Variants in DGKB observed in about 807,000 individuals in gnomAD.
DGKB encodes 90 kDa diacylglycerol kinase.
In DGKB, 67 loss-of-function variants were observed where a neutral mutation model predicts 114.3. The observed-to-expected ratio is 0.59, with a 90% confidence interval of 0.48 to 0.72. The LOEUF (loss-of-function observed/expected upper bound fraction) is 0.72. Among genes scored for constraint, DGKB ranks in the 30% least tolerant of loss-of-function variants. The probability of loss-of-function intolerance (pLI) is 0.00; values close to 1 mark genes in which losing one functional copy is unlikely to be tolerated. For synonymous variants in DGKB, 398 were observed against 323.1 expected (o/e 1.23, Z -2.49); for missense variants, 907 against 975.2 (o/e 0.93, Z 0.93).
At chr7:14,372,987 G>C (rs767597389) in intron 21 of DGKB, among the ~76,000 whole-genome samples, 12 of 152,136 alleles carry the variant, frequency 7.9e-5, no homozygotes, top group Non-Finnish European at 1.2e-4. Context: ...AGGGGATAAG[G>C]CCACAACTCT....
intron 17 of DGKB, among the ~76,000 whole-genome samples, chr7:14,605,569 T>C (rs1478985251): frequency 6.6e-6 from 1 of 151,782 alleles, no homozygotes; most frequent in Non-Finnish European, 1.5e-5. Flanking sequence ...TAGTGTAGAC[T>C]TTTTACAGTT....
At chr7:14,243,236 A>G (rs549677941) in intron 23 of DGKB, among the ~76,000 whole-genome samples, 2 of 152,308 alleles carry the variant, frequency 1.3e-5, no homozygotes, top group Non-Finnish European at 1.5e-5. Flanking sequence ...ACTATGCCCA[A>G]TGCCTACTTA....
At chr7:14,216,325 T>C (rs1788951597) in intron 23 of DGKB, among the ~76,000 whole-genome samples, 1 of 152,196 alleles carries the variant, frequency 6.6e-6, no homozygotes, top group Non-Finnish European at 1.5e-5. Flanking sequence ...CTAAGTTTTT[T>C]TGGACTTTCA....
intron 20 of DGKB, among the ~76,000 whole-genome samples, chr7:14,528,697 C>A (rs1340358979): frequency 3.3e-5 from 5 of 151,878 alleles, no homozygotes; most frequent in Non-Finnish European, 5.9e-5. Flanking sequence ...GCTAATAGAG[C>A]ATAAATATGT....
intron 20 of DGKB, among the ~76,000 whole-genome samples, chr7:14,549,432 T>C: frequency 6.6e-6 from 1 of 152,058 alleles, no homozygotes; most frequent in Middle Eastern, 3.2e-3. Context: ...GATATATATT[T>C]TCTGTTTTCT....
chr7:14,858,990 T>A (rs1051559227), intron 1 of DGKB, among the ~76,000 whole-genome samples: 1 of 152,102 alleles, frequency 6.6e-6, no homozygotes, highest in African/African-American at 2.4e-5. Context: ...AATAACAGAA[T>A]GCTTGGGAAG....
At chr7:14,201,833 G>GTTTTGT (rs142266541) in intron 23 of DGKB, among the ~76,000 whole-genome samples, 3,927 of 151,962 alleles carry the variant, frequency 0.026, 76 homozygotes, top group East Asian at 0.092. Context: ...GGAGTTTGTT[G>GTTTTGT]TTTTGTTTTT....
chr7:14,910,068 C>A (rs1393522653), intron 1 of DGKB, among the ~76,000 whole-genome samples: 1 of 151,670 alleles, frequency 6.6e-6, no homozygotes, highest in Non-Finnish European at 1.5e-5. Flanking sequence ...ATTAGCCAGG[C>A]ATGGTGGTTC....
At chr7:14,274,105 C>T (rs1011374540) in intron 23 of DGKB, among the ~76,000 whole-genome samples, 4 of 152,136 alleles carry the variant, frequency 2.6e-5, no homozygotes, top group African/African-American at 9.7e-5. Context: ...AACTGCAAGA[C>T]GGTTCCAGGA....
intron 23 of DGKB, among the ~76,000 whole-genome samples, chr7:14,280,034 AG>A (rs199906191): frequency 0.15 from 22,116 of 152,114 alleles, 2,124 homozygotes; most frequent in Non-Finnish European, 0.22. Context: ...AGCTGAGAGA[AG>A]AAGGCTTCAG....
chr7:14,965,299 T>C lies in DGKB; in HGVS notation c.-188+9397A>G, dbSNP rs1336792082. ...GAAAATAAATATATTGCCATAAGTA[T>C]ATAGTTAAGAATGAGAGGAGTTATA... is the stretch of plus-strand genomic sequence containing the variant. On this transcript the variant is annotated intron_variant, in intron 1 of 4. Transcript: ENST00000437998. Among the ~76,000 whole-genome samples the C allele has an allele frequency of 2.0e-5, 3 of 152,060 alleles. No homozygotes were observed. The East Asian group carries it at 5.8e-4, about 29-fold the overall frequency.
intron 23 of DGKB, among the ~76,000 whole-genome samples, chr7:14,250,014 G>A (rs925528429): frequency 3.3e-5 from 5 of 151,650 alleles, no homozygotes; most frequent in African/African-American, 9.7e-5. Context: ...GAGTGCAGTC[G>A]TGCAATCATG....
At chr7:14,729,196 C>T (rs1012547474) in intron 5 of DGKB, among the ~76,000 whole-genome samples, 1 of 144,026 alleles carries the variant, frequency 6.9e-6, no homozygotes, top group Non-Finnish European at 1.5e-5. Context: ...CATCTCGGCT[C>T]ACTGCAAGCT....
rs116120447 is a variant in DGKB, at chr7:14,268,403, C to T, written c.2122+70112G>A. 1.7e-3 allele frequency among the ~76,000 whole-genome samples: 253 copies of T among 152,144 alleles called. 1 individual carries two copies. Among genetic ancestry groups the T allele is most frequent in the African/African-American group, 5.8e-3 (239 of 41,514 alleles). ...AAAACATGGAATGAAAAACAACATACGTATTTTAGTATCCAGATATACCTA... is the reference window on the plus strand; with the variant it reads ...AAAACATGGAATGAAAAACAACATATGTATTTTAGTATCCAGATATACCTA... On this transcript the variant is annotated intron_variant, in intron 23 of 25. Coordinates refer to ENST00000402815, the MANE Select transcript of DGKB (RefSeq NM_001350709.2).
intron 20 of DGKB, among the ~76,000 whole-genome samples, chr7:14,559,461 A>G (rs2128666068): frequency 6.6e-6 from 1 of 152,280 alleles, no homozygotes; most frequent in South Asian, 2.1e-4. Context: ...GACCTAAAAT[A>G]CAGGCAGTCT....
chr7:14,401,931 A>G (rs1583663597), intron 21 of DGKB, among the ~76,000 whole-genome samples: 1 of 151,084 alleles, frequency 6.6e-6, no homozygotes. Context: ...GAGGAAATCT[A>G]TCTCAAGAAA....
chr7:14,744,893 A>C (rs571345656), intron 4 of DGKB, among the ~76,000 whole-genome samples: 2 of 152,244 alleles, frequency 1.3e-5, no homozygotes, highest in African/African-American at 4.8e-5. Flanking sequence ...CCAACCAGCA[A>C]TTTCTGGCTA....
At chr7:14,973,438 A>G (rs1787596239) in intron 1 of DGKB, among the ~76,000 whole-genome samples, 1 of 151,394 alleles carries the variant, frequency 6.6e-6, no homozygotes, top group Non-Finnish European at 1.5e-5. Context: ...ACAATAACAT[A>G]TGGATTGAAA....
intron 21 of DGKB, among the ~76,000 whole-genome samples, chr7:14,468,622 T>G (rs1280839373): frequency 6.6e-6 from 1 of 151,438 alleles, no homozygotes; most frequent in Non-Finnish European, 1.5e-5. Flanking sequence ...CAATAAATAA[T>G]TTTCTTTGTG....
Sources: gnomAD v4.1 joint callset for allele counts (sites outside exome capture counted in the v4.1 genomes callset) on GRCh38, gnomAD v4.1.1 for gene constraint, MANE v1.5 for transcripts, NCBI Gene and HGNC (gene_info 2026-07-23, HGNC 2026-07-21) for gene names.